Variants in MTRF1 observed in about 807,000 individuals in gnomAD.
MTRF1 encodes the protein peptide chain release factor 1, mitochondrial.
In MTRF1, 51 loss-of-function variants were observed where a neutral mutation model predicts 62.9. The ratio of observed to expected loss-of-function variants is 0.81; its 90% CI spans 0.65 to 1.02. The LOEUF (loss-of-function observed/expected upper bound fraction) is 1.02. MTRF1 is among the 50% of genes least tolerant of loss of function. The probability of loss-of-function intolerance (pLI) is 0.00; values close to 1 mark genes in which losing one functional copy is unlikely to be tolerated. For synonymous variants in MTRF1, 158 were observed against 181.9 expected, an observed-to-expected ratio of 0.87 and a Z score of 1.06; for missense variants, 446 against 530.0, an observed-to-expected ratio of 0.84 and a Z score of 1.56.
chr13:41,269,015 C>G, the MTRF1 span, among the ~76,000 whole-genome samples: 2 of 148,080 alleles, frequency 1.4e-5, no homozygotes, highest in Non-Finnish European at 3.0e-5. Flanking sequence ...CGTGACCATC[C>G]CTTTTTTTTT....
intron 9 of MTRF1, among the ~76,000 whole-genome samples, chr13:41,220,325 A>G (rs2033033204): frequency 5.5e-5 from 2 of 36,650 alleles, no homozygotes; most frequent in Non-Finnish European, 7.2e-5. Flanking sequence ...TCTGTCTCGG[A>G]AAAAAAAAAA....
At chr13:41,243,404 CAA>C (rs371273057) in intron 5 of MTRF1, among the ~76,000 whole-genome samples, 21 of 76,520 alleles carry the variant, frequency 2.7e-4, no homozygotes, top group African/African-American at 3.8e-4. Context: ...GACCCTGTCT[CAA>C]AAAAAAAAAA....
chr13:41,228,660 C>T (rs2034931237), intron 7 of MTRF1, among the ~76,000 whole-genome samples: 1 of 152,168 alleles, frequency 6.6e-6, no homozygotes. Flanking sequence ...CTTTAATGCA[C>T]AAAATATTCA....
intron 7 of MTRF1, among the ~76,000 whole-genome samples, chr13:41,227,661 C>T (rs753944900): frequency 6.6e-6 from 1 of 152,228 alleles, no homozygotes. Flanking sequence ...GATTTTCTTT[C>T]TGAATCACAG....
At chr13:41,302,319 C>T in the MTRF1 span, among the ~76,000 whole-genome samples, 1,112 of 152,034 alleles carry the variant, frequency 7.3e-3, 18 homozygotes, top group African/African-American at 0.025. Context: ...TGCGAGCCAC[C>T]GTGCCTGGCC....
the MTRF1 span, among the ~76,000 whole-genome samples, chr13:41,272,548 TAAC>T: frequency 6.6e-6 from 1 of 152,106 alleles, no homozygotes; most frequent in Non-Finnish European, 1.5e-5. Context: ...AGAAAGACTG[TAAC>T]AACAACAACG....
chr13:41,304,347 G>A, the MTRF1 span, among the ~76,000 whole-genome samples: 1 of 152,168 alleles, frequency 6.6e-6, no homozygotes, highest in African/African-American at 2.4e-5. Context: ...CAATCACAGT[G>A]CACTGCAGCC....
chr13:41,266,706 C>G (rs2040842988), upstream of MTRF1, among the ~76,000 whole-genome samples: 1 of 151,568 alleles, frequency 6.6e-6, no homozygotes, highest in African/African-American at 2.4e-5. Context: ...TCAAATTTCC[C>G]TGTGATGCCG....
At chr13:41,249,947 A>C (rs1300137851) in intron 5 of MTRF1, among the ~76,000 whole-genome samples, 1 of 151,612 alleles carries the variant, frequency 6.6e-6, no homozygotes, top group African/African-American at 2.4e-5. Context: ...TATGAGTAAA[A>C]TATTTGTAAT....
Position 41,260,612 on chromosome 13 carries a change from T to C in MTRF1, c.296A>G (p.Asn99Ser). 6.2e-7 allele frequency: 1 copy of C among 1,614,166 alleles called. No individual in the cohort carries two copies. Residue 99 changes from asparagine (N) to serine (S), a missense_variant, in exon 2 of 10, where the codon AAT becomes AGT. Asn to Ser is a conservative substitution (Grantham distance 46). Coordinates refer to ENST00000379480, the MANE Select transcript of MTRF1 (RefSeq NM_004294.4). ...LEQCLQHIPV[N>S]EENRRSLNRR... ...GTTCAAGGACCTTCGGTTTTCCTCA[T>C]TCACAGGGATATGCTGCAGACATTG...
chr13:41,226,631 G>A, intron 7 of MTRF1, 63 bp from the exon 8 acceptor site: 1 of 1,568,576 alleles, frequency 6.4e-7, no homozygotes, highest in Non-Finnish European at 8.7e-7. Flanking sequence ...TAGAACCAAG[G>A]AACAGTTAAA....
At chr13:41,292,002 A>T in the MTRF1 span, among the ~76,000 whole-genome samples, 2 of 152,226 alleles carry the variant, frequency 1.3e-5, no homozygotes, top group South Asian at 2.1e-4. Flanking sequence ...TTGAGCTTGG[A>T]GCAATAATAT....
At chr13:41,229,922 G>GA (rs1412071074) in intron 7 of MTRF1, among the ~76,000 whole-genome samples, 2 of 152,114 alleles carry the variant, frequency 1.3e-5, no homozygotes, top group African/African-American at 4.8e-5. Flanking sequence ...CCAACATGGT[G>GA]AAACTACGTC....
chr13:41,241,985 T>G (rs1436648835), intron 5 of MTRF1, among the ~76,000 whole-genome samples: 1 of 152,248 alleles, frequency 6.6e-6, no homozygotes, highest in Admixed American at 6.5e-5. Context: ...TATCATTCCT[T>G]TCTCACTTAT....
At chr13:41,301,472 G>T in the MTRF1 span, among the ~76,000 whole-genome samples, 1 of 152,216 alleles carries the variant, frequency 6.6e-6, no homozygotes, top group African/African-American at 2.4e-5. Flanking sequence ...GACAGGTTGG[G>T]TGCGGTGGCT....
the MTRF1 span, among the ~76,000 whole-genome samples, chr13:41,297,097 C>A: frequency 4.6e-5 from 7 of 152,104 alleles, no homozygotes; most frequent in Non-Finnish European, 8.8e-5. Flanking sequence ...AAGACTGACT[C>A]ATTCATGAGG....
upstream of MTRF1, among the ~76,000 whole-genome samples, chr13:41,266,428 A>G (rs892529752): frequency 5.3e-5 from 8 of 151,950 alleles, no homozygotes; most frequent in African/African-American, 1.7e-4. Context: ...CCTAGTCAAC[A>G]CGGTGAAACC....
intron 6 of MTRF1, among the ~76,000 whole-genome samples, chr13:41,237,231 A>AAAAT: frequency 6.6e-6 from 1 of 151,076 alleles, no homozygotes; most frequent in African/African-American, 2.4e-5. Context: ...AAAAAAAAAA[A>AAAAT]AAAAAAAAGA....
At chr13:41,254,733 G>A in intron 2 of MTRF1, 113 bp from the exon 3 acceptor site, 1 of 663,668 alleles carries the variant, frequency 1.5e-6, no homozygotes, top group Non-Finnish European at 2.5e-6. Flanking sequence ...CAAAGGCAAG[G>A]GATTATACAA....
Sources: gnomAD v4.1 joint callset for allele counts (sites outside exome capture counted in the v4.1 genomes callset) on GRCh38, gnomAD v4.1.1 for gene constraint, MANE v1.5 for transcripts, NCBI Gene and HGNC (gene_info 2026-07-23, HGNC 2026-07-21) for gene names.